Variants in DPYSL2 observed in about 807,000 individuals in gnomAD.
DPYSL2 encodes dihydropyrimidinase like 2, also known as dihydropyrimidinase-related protein 2.
DPYSL2 carries 13 observed loss-of-function variants against 69.9 expected under a neutral mutation model. The ratio of observed to expected loss-of-function variants is 0.19; its 90% CI spans 0.12 to 0.30. DPYSL2 has a LOEUF of 0.30. DPYSL2 is among the 10% of genes least tolerant of loss of function. DPYSL2 has a pLI of 1.00. For synonymous variants in DPYSL2, 326 were observed against 359.1 expected, an observed-to-expected ratio of 0.91 and a Z score of 1.04; for missense variants, 587 against 918.9, an observed-to-expected ratio of 0.64 and a Z score of 4.67.
intron 1 of DPYSL2, chr8:26,548,005 T>C (rs1375167156): frequency 3.0e-5 from 8 of 264,086 alleles, no homozygotes; most frequent in Admixed American, 2.5e-4. Context: ...CCTGTTCCCC[T>C]GGATAAGACA....
intron 8 of DPYSL2, among the ~76,000 whole-genome samples, chr8:26,637,238 C>G (rs1802942931): frequency 6.6e-6 from 1 of 152,202 alleles, no homozygotes; most frequent in African/African-American, 2.4e-5. Flanking sequence ...CAAACCTGAG[C>G]TGCCAGAAAG....
At chr8:26,590,365 C>T (rs982075438) in intron 3 of DPYSL2, among the ~76,000 whole-genome samples, 9 of 152,344 alleles carry the variant, frequency 5.9e-5, no homozygotes, top group South Asian at 4.1e-4. Flanking sequence ...CCTAAGGACA[C>T]GGGTGCCCTC....
rs1802206815 is a variant in DPYSL2, at chr8:26,610,792, A to C, written c.629-13351A>C. Among the ~76,000 whole-genome samples the C allele has an allele frequency of 6.6e-6, 1 of 152,172 alleles. No individual in the cohort carries two copies. Among genetic ancestry groups the C allele is most frequent in the African/African-American group, 2.4e-5 (1 of 41,440 alleles). On this transcript the variant is annotated intron_variant, in intron 3 of 13. Coordinates refer to ENST00000521913, the MANE Select transcript of DPYSL2 (RefSeq NM_001197293.3). The surrounding 1 kb of genome is among the most constrained non-coding windows in gnomAD (Gnocchi z 4.5). ...GGTTTATCTCCTCAAGGCACCCCTAAAGTATGTTTTTACTATTTAACACAC... is the reference window on the plus strand; with the variant it reads ...GGTTTATCTCCTCAAGGCACCCCTACAGTATGTTTTTACTATTTAACACAC...
At position 26,560,590 on chromosome 8, in the gene DPYSL2, A is replaced by C. The variant is rs1387919997; in HGVS notation, c.355-21379A>C. ...GGATTTGAGGGCTTCCTCTCTCCCA[A>C]GCAGAAATAATGGGTCTTGGTGATA... On this transcript the variant is annotated intron_variant, in intron 1 of 13. Transcript: ENST00000521913. This position sits in a 1 kb window ranked among gnomAD's most constrained non-coding sequence, Gnocchi z 4.4. 6.6e-6 allele frequency among the ~76,000 whole-genome samples: 1 copy of C among 152,164 alleles called. No individual in the cohort carries two copies. The highest frequency in any genetic ancestry group is 2.4e-5 in the African/African-American group (1 of 41,434).
intron 1 of DPYSL2, among the ~76,000 whole-genome samples, chr8:26,526,326 C>T (rs978821259): frequency 1.3e-5 from 2 of 152,122 alleles, no homozygotes; most frequent in Non-Finnish European, 2.9e-5. Flanking sequence ...ATTTCCTGAC[C>T]TCGTTATCCA....
intron 1 of DPYSL2, among the ~76,000 whole-genome samples, chr8:26,547,112 C>G (rs1035204339): frequency 6.6e-6 from 1 of 151,864 alleles, no homozygotes; most frequent in African/African-American, 2.4e-5. Flanking sequence ...CCTGTAATGC[C>G]AGCACTTTGG....
In DPYSL2 at chr8:26,583,989, A is replaced by T; in HGVS notation, c.628+6A>T. The T allele has an allele frequency of 6.2e-7, 1 of 1,612,366 alleles. No individual in the cohort carries two copies. The highest frequency in any genetic ancestry group is 8.5e-7 in the Non-Finnish European group (1 of 1,179,344). ...TGGGGGAACCACTATGATCAGTAAG[A>T]AGCTTAAAAATCATCATTGTAGTGC... On this transcript the variant is annotated splice_donor_region_variant and intron_variant, in intron 3 of 13. Coordinates refer to ENST00000521913, the MANE Select transcript of DPYSL2 (RefSeq NM_001197293.3).
intron 1 of DPYSL2, among the ~76,000 whole-genome samples, chr8:26,518,261 C>T (rs1467247950): frequency 1.3e-5 from 2 of 151,766 alleles, no homozygotes; most frequent in African/African-American, 4.8e-5. Flanking sequence ...CATATTGGTT[C>T]AAAACAGGAG....
At chr8:26,629,728 G>A (rs1271867013) in intron 7 of DPYSL2, among the ~76,000 whole-genome samples, 1 of 152,178 alleles carries the variant, frequency 6.6e-6, no homozygotes. Flanking sequence ...CCATAAACAT[G>A]CCTGAGGCTG....
chr8:26,590,894 C>G (rs1160231662), intron 3 of DPYSL2, among the ~76,000 whole-genome samples: 1 of 152,230 alleles, frequency 6.6e-6, no homozygotes, highest in African/African-American at 2.4e-5. Flanking sequence ...TTGGGCTAGC[C>G]AGGTAGGCTG....
At chr8:26,581,555 A>G (rs958348148) in intron 1 of DPYSL2, among the ~76,000 whole-genome samples, 1 of 151,682 alleles carries the variant, frequency 6.6e-6, no homozygotes, top group African/African-American at 2.4e-5. Flanking sequence ...TGTATTTTTT[A>G]TAGAGATGGG....
rs1413464363 is a variant in DPYSL2, at chr8:26,644,397, C to T, written c.1425+306C>T. On this transcript the variant is annotated intron_variant, in intron 10 of 13. Coordinates refer to ENST00000521913, the MANE Select transcript of DPYSL2 (RefSeq NM_001197293.3). This position sits in a 1 kb window ranked among gnomAD's most constrained non-coding sequence, Gnocchi z 4.5. ...TCATAGCTCACTGTAGCCTCAAACT[C>T]CTGGGCTCAGGTGATCCTCCCATCT... 1.1e-4 allele frequency among the ~76,000 whole-genome samples: 16 copies of T among 152,282 alleles called. No homozygotes were observed. The highest frequency in any genetic ancestry group is 4.4e-5 in the Non-Finnish European group (3 of 68,028).
chr8:26,623,296 G>T (rs902003227), intron 3 of DPYSL2, among the ~76,000 whole-genome samples: 1 of 152,142 alleles, frequency 6.6e-6, no homozygotes, highest in African/African-American at 2.4e-5. Flanking sequence ...ACCTTACTGG[G>T]GACTTGAATC....
intron 1 of DPYSL2, among the ~76,000 whole-genome samples, chr8:26,536,178 A>C (rs1291784219): frequency 6.7e-6 from 1 of 149,650 alleles, no homozygotes; most frequent in Non-Finnish European, 1.5e-5. Context: ...GGGCTCAAGT[A>C]ATCCTCCTGC....
intron 3 of DPYSL2, among the ~76,000 whole-genome samples, chr8:26,616,663 G>T (rs1802355358): frequency 6.6e-6 from 1 of 152,214 alleles, no homozygotes; most frequent in South Asian, 2.1e-4. Flanking sequence ...TTTAGCATCT[G>T]CCCCTCCTTG....
chr8:26,538,017 G>T (rs1800623486), intron 1 of DPYSL2, among the ~76,000 whole-genome samples: 1 of 152,166 alleles, frequency 6.6e-6, no homozygotes, highest in African/African-American at 2.4e-5. Context: ...GTTGCTTCAT[G>T]ATTTATACAT....
At position 26,583,817 on chromosome 8, in the gene DPYSL2, G is replaced by T; in HGVS notation, c.462G>T (p.Leu154=). The T allele has an allele frequency of 6.2e-7, 1 of 1,610,922 alleles. No homozygotes were observed. Among genetic ancestry groups the T allele is most frequent in the Non-Finnish European group, 8.5e-7 (1 of 1,178,956 alleles). The part of the protein sequence containing the change: ...DGLIKQIGEN[L]IVPGGVKTIE... ...TATTTAGGCAAATAGGAGAAAATCT[G>T]ATTGTGCCAGGAGGAGTGAAGACCA... The change falls in exon 3 of 14, where the codon CTG becomes CTT. Residue 154 remains leucine, a synonymous_variant. Transcript: ENST00000521913.
chr8:26,577,936 G>C (rs1480244227), intron 1 of DPYSL2: 1 of 1,196,982 alleles, frequency 8.4e-7, no homozygotes, highest in African/African-American at 1.6e-5. Flanking sequence ...GACTTGAACC[G>C]AGGCTTTTAT....
chr8:26,611,203 T>C (rs547907926), intron 3 of DPYSL2, among the ~76,000 whole-genome samples: 9 of 152,368 alleles, frequency 5.9e-5, no homozygotes, highest in African/African-American at 2.2e-4. Context: ...TCCTTGTGGC[T>C]TTCTGTCCTG....
Sources: allele counts gnomAD v4.1 joint callset (sites outside exome capture counted in the v4.1 genomes callset), GRCh38; gene constraint gnomAD v4.1.1; non-coding constraint Gnocchi (gnomAD v3.1); transcripts MANE v1.5; gene names NCBI Gene and HGNC (gene_info 2026-07-23, HGNC 2026-07-21).